AFF3: variants seen among roughly 807,000 people sequenced by gnomAD.
The protein encoded by AFF3 is AF4/FMR2 family member 3.
In AFF3, 32 loss-of-function variants were observed where a neutral mutation model predicts 129.7. The ratio of observed to expected loss-of-function variants is 0.25; its 90% confidence interval spans 0.19 to 0.33. The LOEUF is 0.33. Among genes scored for constraint, AFF3 ranks in the 10% least tolerant of loss-of-function variants. AFF3 has a pLI of 1.00. For synonymous variants in AFF3, 644 were observed against 635.4 expected, an observed-to-expected ratio of 1.01 and a Z score of -0.20; for missense variants, 1,373 against 1,592.0, an observed-to-expected ratio of 0.86 and a Z score of 2.34.
intron 13 of AFF3, among the ~76,000 whole-genome samples, chr2:99,624,873 A>AAGTGGG (rs1395745568): frequency 1.3e-5 from 2 of 152,244 alleles, no homozygotes; most frequent in South Asian, 2.1e-4. Context: ...GGAGGGCAGC[A>AAGTGGG]AGTGGGAGCT....
intron 4 of AFF3, among the ~76,000 whole-genome samples, chr2:100,038,588 G>A (rs930198034): frequency 2.0e-5 from 3 of 152,032 alleles, no homozygotes; most frequent in Non-Finnish European, 2.9e-5. Context: ...GGCTGGGCAC[G>A]GGTCCAAAAT....
At chr2:99,766,012 C>T (rs901747395) in intron 8 of AFF3, among the ~76,000 whole-genome samples, 1 of 152,190 alleles carries the variant, frequency 6.6e-6, no homozygotes, top group African/African-American at 2.4e-5. Flanking sequence ...AAGCTTTGCC[C>T]TCATGCTATA....
Position 100,076,908 on chromosome 2 carries a change from G to C in AFF3, c.53+27494C>G, listed in dbSNP as rs559760025. On this transcript the variant is annotated intron_variant, in intron 4 of 24. Coordinates refer to ENST00000672756, the MANE Select transcript of AFF3 (RefSeq NM_001386135.1). Reference sequence around the variant, plus strand: ...CCACCTCCTAATGCCTGCAACCTCTGAATGTGTTCCCTTCTATGACTTAAG... The same window carrying C: ...CCACCTCCTAATGCCTGCAACCTCTCAATGTGTTCCCTTCTATGACTTAAG... Among the ~76,000 whole-genome samples the C allele has an allele frequency of 2.0e-5, 3 of 152,292 alleles. No individual in the cohort carries two copies. The South Asian group carries it at 6.2e-4, about 32-fold the overall frequency.
chr2:99,635,721 C>T lies in AFF3; in HGVS notation c.1184+13905G>A, dbSNP rs541016643. Among the ~76,000 whole-genome samples the T allele has an allele frequency of 3.3e-5, 5 of 152,290 alleles. No homozygotes were observed. In the East Asian group the frequency reaches 7.7e-4, roughly 23 times the overall value. Reference sequence around the variant, plus strand: ...AATGCCACCCCTAAACCTGGCTCTACCCCCTACTGTGTTCATTAACCTTGG... The same window carrying T: ...AATGCCACCCCTAAACCTGGCTCTATCCCCTACTGTGTTCATTAACCTTGG... On this transcript the variant is annotated intron_variant, in intron 13 of 24. Coordinates refer to ENST00000672756, the MANE Select transcript of AFF3 (RefSeq NM_001386135.1).
intron 16 of AFF3, among the ~76,000 whole-genome samples, chr2:99,586,271 G>T (rs145366573): frequency 6.6e-6 from 1 of 152,302 alleles, no homozygotes; most frequent in African/African-American, 2.4e-5. Flanking sequence ...CAGCATGCAG[G>T]GGCAGCCCTC....
intron 4 of AFF3, among the ~76,000 whole-genome samples, chr2:100,016,206 GATA>G (rs980834406): frequency 3.3e-5 from 5 of 151,248 alleles, no homozygotes. Context: ...TTGTGGTTGT[GATA>G]ATGGCAATGG....
chr2:99,758,244 C>T (rs772763422), intron 8 of AFF3, among the ~76,000 whole-genome samples: 2 of 152,160 alleles, frequency 1.3e-5, no homozygotes, highest in African/African-American at 2.4e-5. Context: ...CACACTGCTG[C>T]AAACTCAATT....
chr2:100,067,711 C>T (rs556985364), intron 4 of AFF3, among the ~76,000 whole-genome samples: 13 of 152,220 alleles, frequency 8.5e-5, no homozygotes, highest in African/African-American at 2.9e-4. Flanking sequence ...TTTATCATCC[C>T]TCTCCATGAG....
chr2:99,697,837 A>G (rs945620028), intron 11 of AFF3, among the ~76,000 whole-genome samples: 6 of 152,242 alleles, frequency 3.9e-5, no homozygotes, highest in Non-Finnish European at 7.3e-5. Context: ...ACAACATGAT[A>G]TAACAGAATT....
intron 4 of AFF3, among the ~76,000 whole-genome samples, chr2:100,067,603 G>C (rs1182769534): frequency 6.6e-6 from 1 of 152,026 alleles, no homozygotes; most frequent in Non-Finnish European, 1.5e-5. Flanking sequence ...GCCAATAGTG[G>C]CATTAATAAT....
At chr2:100,086,484 A>T (rs1159336228) in intron 4 of AFF3, among the ~76,000 whole-genome samples, 1 of 152,172 alleles carries the variant, frequency 6.6e-6, no homozygotes, top group African/African-American at 2.4e-5. Flanking sequence ...TCACACCACT[A>T]AACTCCAGCC....
At chr2:99,903,314 T>C (rs182561688) in intron 7 of AFF3, among the ~76,000 whole-genome samples, 1 of 152,190 alleles carries the variant, frequency 6.6e-6, no homozygotes, top group South Asian at 2.1e-4. Flanking sequence ...TAACAAACTC[T>C]CTTCTGCTTT....
At chr2:99,907,336 A>T (rs974708419) in intron 7 of AFF3, among the ~76,000 whole-genome samples, 3 of 152,168 alleles carry the variant, frequency 2.0e-5, no homozygotes, top group African/African-American at 7.2e-5. Flanking sequence ...ATAATTAACA[A>T]GTTCATGCAA....
chr2:99,701,636 A>G (rs1198393589), intron 11 of AFF3, among the ~76,000 whole-genome samples: 1 of 152,246 alleles, frequency 6.6e-6, no homozygotes, highest in East Asian at 1.9e-4. Context: ...AACTGACATT[A>G]GAACAATCCA....
At chr2:99,697,012 C>T (rs1027722025) in intron 11 of AFF3, among the ~76,000 whole-genome samples, 12 of 152,184 alleles carry the variant, frequency 7.9e-5, no homozygotes, top group Non-Finnish European at 1.6e-4. Context: ...CTTTCCTCTT[C>T]TATCACCCAT....
chr2:100,088,795 G>A (rs1299271081), intron 4 of AFF3, among the ~76,000 whole-genome samples: 18 of 151,804 alleles, frequency 1.2e-4, no homozygotes, highest in Non-Finnish European at 7.4e-5. Flanking sequence ...GGAAAGTAAC[G>A]GCTACATTTC....
intron 2 of AFF3, 129 bp from the exon 3 acceptor site, chr2:100,105,712 C>G (rs1691243585): frequency 7.4e-7 from 1 of 1,360,430 alleles, no homozygotes. Flanking sequence ...CCATCAGGGC[C>G]CTACCTCTGC....
chr2:99,604,064 C>T (rs1415979154), intron 13 of AFF3, among the ~76,000 whole-genome samples: 1 of 152,128 alleles, frequency 6.6e-6, no homozygotes, highest in Non-Finnish European at 1.5e-5. Context: ...GACAGTGTGG[C>T]GATTCCTCAA....
chr2:99,820,442 CTGGAAGG>C (rs1490512304), intron 8 of AFF3, among the ~76,000 whole-genome samples: 1 of 152,024 alleles, frequency 6.6e-6, no homozygotes, highest in Non-Finnish European at 1.5e-5. Context: ...GTTTGAAAAA[CTGGAAGG>C]TGCTCTGGGT....
Sources: gnomAD v4.1 joint callset for allele counts (sites outside exome capture counted in the v4.1 genomes callset) on GRCh38, gnomAD v4.1.1 for gene constraint, MANE v1.5 for transcripts, NCBI Gene and HGNC (gene_info 2026-07-23, HGNC 2026-07-21) for gene names.